Variants in CD164 observed in about 807,000 individuals in gnomAD.
The protein encoded by CD164 is CD164 molecule.
Under a neutral mutation model 24.6 loss-of-function variants are expected in CD164, and 11 were observed. The observed-to-expected ratio is 0.45, with a 90% confidence interval of 0.28 to 0.74. The LOEUF is 0.74. Among genes scored for constraint, CD164 ranks in the 30% least tolerant of loss-of-function variants. The probability of loss-of-function intolerance (pLI) is 0.13; values close to 1 mark genes in which losing one functional copy is unlikely to be tolerated. For synonymous variants in CD164, 126 were observed against 100.3 expected (o/e 1.26, Z -1.53); for missense variants, 295 against 243.7 (o/e 1.21, Z -1.40).
chr6:109,374,055 T>C (rs528543902), intron 4 of CD164, among the ~76,000 whole-genome samples: 1 of 152,348 alleles, frequency 6.6e-6, no homozygotes, highest in African/African-American at 2.4e-5. Flanking sequence ...TGTTAGTTTC[T>C]TGCACATACT....
At chr6:109,381,522 G>T in intron 1 of CD164, 1 of 702,560 alleles carries the variant, frequency 1.4e-6, no homozygotes, top group Non-Finnish European at 2.6e-6. Flanking sequence ...TTAGCCTTAG[G>T]ATACGTACGC....
chr6:109,375,261 C>T (rs1319061417), intron 4 of CD164, among the ~76,000 whole-genome samples: 7 of 152,012 alleles, frequency 4.6e-5, no homozygotes, highest in East Asian at 1.9e-4. Flanking sequence ...GAATGAGAGA[C>T]GGCCTAATTC....
chr6:109,378,861 TAAAA>T (rs1771571513), intron 2 of CD164, among the ~76,000 whole-genome samples: 1 of 149,458 alleles, frequency 6.7e-6, no homozygotes, highest in Admixed American at 6.8e-5. Context: ...TTTTACCAAA[TAAAA>T]AAACTTATGG....
Position 109,382,446 on chromosome 6 carries a change from C to T in CD164, c.-68G>A, listed in dbSNP as rs375538983. On this transcript the variant is annotated 5_prime_UTR_variant, in exon 1 of 6. Coordinates refer to ENST00000310786, the MANE Select transcript of CD164 (RefSeq NM_006016.6). ...AACGCTCAGTCAACCCCTCAATCCCCTGCGGCGCCGCCTCCGAGACTACGC... is the reference window on the plus strand; with the variant it reads ...AACGCTCAGTCAACCCCTCAATCCCTTGCGGCGCCGCCTCCGAGACTACGC... The T allele has an allele frequency of 5.9e-5, 80 of 1,366,670 alleles. No homozygotes were observed. In the East Asian group the frequency reaches 1.1e-3, roughly 19 times the overall value. 84.7% of individuals were successfully genotyped at this position (1,366,670 alleles called of 1,614,324 possible).
intron 5 of CD164, 152 bp downstream of exon 5, chr6:109,370,259 C>A (rs115172991): frequency 1.8e-5 from 11 of 611,998 alleles, no homozygotes; most frequent in African/African-American, 5.9e-5. Context: ...ATTGTGTTAA[C>A]AAAGCACTAC....
At chr6:109,377,678 G>A (rs1339299101) in intron 3 of CD164, among the ~76,000 whole-genome samples, 1 of 149,084 alleles carries the variant, frequency 6.7e-6, no homozygotes, top group Non-Finnish European at 1.5e-5. Flanking sequence ...GGCAGACAAC[G>A]CATCCACACT....
chr6:109,370,618 T>G, intron 4 of CD164, 151 bp from the exon 5 acceptor site: 1 of 604,788 alleles, frequency 1.7e-6, no homozygotes, highest in Non-Finnish European at 3.0e-6. Context: ...TTCACTAACA[T>G]AGCTATGCAC....
rs895126201 is a variant in CD164, at chr6:109,368,447, A to C, written c.*404T>G. On this transcript the variant is annotated 3_prime_UTR_variant, in exon 6 of 6. Transcript: ENST00000310786. ...TGACAGCCAAAAATCCACCTAATTG[A>C]TTCTCATTTGGCACGTTCTTCTCAA... The C allele has an allele frequency of 7.2e-7, 1 of 1,396,114 alleles. No individual in the cohort carries two copies. Among genetic ancestry groups the C allele is most frequent in the Non-Finnish European group, 9.3e-7 (1 of 1,078,940 alleles). The allele number at this position is 1,396,114 out of a possible 1,614,324, so 86.5% of individuals were successfully genotyped here. A position where few individuals can be genotyped will look rare whatever the true frequency, so the allele number is the denominator to read the frequency against.
At chr6:109,376,737 C>T (rs556891828) in intron 3 of CD164, among the ~76,000 whole-genome samples, 62 of 152,308 alleles carry the variant, frequency 4.1e-4, no homozygotes, top group African/African-American at 1.4e-3. Context: ...TTTTCAAAAA[C>T]GTTCTAATAC....
At chr6:109,371,795 A>G (rs1395104245) in intron 4 of CD164, 1 of 153,346 alleles carries the variant, frequency 6.5e-6, no homozygotes, top group East Asian at 1.9e-4. Flanking sequence ...AAGAGAGCTT[A>G]TTTTGTCTCA....
At chr6:109,381,738 C>A (rs1771762297) in intron 1 of CD164, 2 of 589,162 alleles carry the variant, frequency 3.4e-6, no homozygotes, top group Non-Finnish European at 6.0e-6. Flanking sequence ...TCCCGGACTT[C>A]CGGAGAAGGC....
rs1411095462 is a variant in CD164, at chr6:109,379,675, G to A, written c.176-13C>T. 2 of 1,592,240 alleles carry A rather than the reference G, an allele frequency of 1.3e-6. No homozygotes were observed. Among genetic ancestry groups the A allele is most frequent in the Admixed American group, 1.7e-5 (1 of 58,230 alleles). On this transcript the variant is annotated splice_polypyrimidine_tract_variant and intron_variant, in intron 1 of 5. Coordinates refer to ENST00000310786, the MANE Select transcript of CD164 (RefSeq NM_006016.6). ...CCTTCACAGGTTTCTGGGGAGTTGGGGGGAGAGATGCATGAAATCAATGAT... is the reference window on the plus strand; with the variant it reads ...CCTTCACAGGTTTCTGGGGAGTTGGAGGGAGAGATGCATGAAATCAATGAT...
chr6:109,381,215 CTCTTT>C (rs1338817899), intron 1 of CD164, among the ~76,000 whole-genome samples: 1 of 152,204 alleles, frequency 6.6e-6, no homozygotes, highest in Non-Finnish European at 1.5e-5. Flanking sequence ...TCTTCCTTCT[CTCTTT>C]TGTGTTGTCA....
intron 3 of CD164, among the ~76,000 whole-genome samples, chr6:109,377,245 C>A (rs1771461171): frequency 1.3e-5 from 2 of 152,296 alleles, no homozygotes; most frequent in South Asian, 4.1e-4. Flanking sequence ...GATGGGGCAA[C>A]CCCTACCAAA....
chr6:109,368,821 C>G lies in CD164; in HGVS notation c.*30G>C. 1 of 1,591,612 alleles carries G rather than the reference C, an allele frequency of 6.3e-7. No homozygotes were observed. Among genetic ancestry groups the G allele is most frequent in the Non-Finnish European group, 8.5e-7 (1 of 1,171,762 alleles). ...GCTTCAGTGAGTTACACAAATGAAT[C>G]ACCAGTCCTTATTAATTCAATGGGT... On this transcript the variant is annotated 3_prime_UTR_variant, in exon 6 of 6. Coordinates refer to ENST00000310786, the MANE Select transcript of CD164 (RefSeq NM_006016.6).
rs551697941 is a variant in CD164, at chr6:109,379,674, G to C, written c.176-12C>G. The C allele has an allele frequency of 1.8e-5, 29 of 1,601,408 alleles. No homozygotes were observed. The highest frequency in any genetic ancestry group is 6.7e-5 in the African/African-American group (5 of 74,478). On this transcript the variant is annotated splice_polypyrimidine_tract_variant and intron_variant, in intron 1 of 5. Transcript: ENST00000310786. ...ACCTTCACAGGTTTCTGGGGAGTTG[G>C]GGGGAGAGATGCATGAAATCAATGA...
chr6:109,375,953 T>C (rs1771383227), intron 4 of CD164, 121 bp downstream of exon 4: 1 of 745,864 alleles, frequency 1.3e-6, no homozygotes, highest in Non-Finnish European at 2.2e-6. Flanking sequence ...TCCAAGACTT[T>C]TAAGTTTTTA....
rs753083249 is a variant in CD164 at position 109,370,465 on chromosome 6, T to C, written c.373A>G (p.Lys125Glu). Residue 125 changes from lysine to glutamate, a missense_variant and splice_region_variant, in exon 5 of 6, where the codon AAA becomes GAA. Physicochemically the swap from Lys to Glu is moderately conservative, Grantham distance 56. Transcript: ENST00000310786. ...TPVPTANSTA[K>E]PTVQPSPSTT... The stretch of plus-strand genomic sequence containing the variant: ...GAAGGGGAGGGCTGAACTGTGGGTT[T>C]AGCTGGAATGAAAACAAAATGTCTT... 2.4e-5 allele frequency: 39 copies of C among 1,611,946 alleles called. No individual in the cohort carries two copies. Among genetic ancestry groups the C allele is most frequent in the Non-Finnish European group, 3.2e-5 (38 of 1,178,920 alleles).
chr6:109,378,819 T>C (rs1771569383), intron 2 of CD164, among the ~76,000 whole-genome samples: 1 of 151,988 alleles, frequency 6.6e-6, no homozygotes, highest in Non-Finnish European at 1.5e-5. Context: ...TTGAAATTTA[T>C]GTAGTGATAT....
Sources: allele counts gnomAD v4.1 joint callset (sites outside exome capture counted in the v4.1 genomes callset), GRCh38; gene constraint gnomAD v4.1.1; transcripts MANE v1.5; gene names NCBI Gene and HGNC (gene_info 2026-07-23, HGNC 2026-07-21).